Variants in ATRN observed in about 807,000 individuals in gnomAD.
The protein encoded by ATRN is attractin-2.
A neutral mutation model predicts 178.7 loss-of-function variants in ATRN; 54 were observed. The observed-to-expected ratio is 0.30, with a 90% CI of 0.24 to 0.38. ATRN has a LOEUF of 0.38. Ranked by LOEUF, ATRN falls within the 10% of genes least tolerant of loss-of-function variation. ATRN has a pLI of 1.00. For missense variants in ATRN, 1,443 were observed against 1,815.1 expected, an observed-to-expected ratio of 0.79 and a Z score of 3.73; for synonymous variants, 636 against 663.0, an observed-to-expected ratio of 0.96 and a Z score of 0.63.
chr20:3,579,274 T>C (rs2086251287), intron 15 of ATRN, among the ~76,000 whole-genome samples: 1 of 152,008 alleles, frequency 6.6e-6, no homozygotes, highest in South Asian at 2.1e-4. Context: ...TCGCCTGAGG[T>C]CAGGAGTTCA....
chr20:3,502,832 C>T (rs966229139), intron 1 of ATRN, among the ~76,000 whole-genome samples: 1 of 152,208 alleles, frequency 6.6e-6, no homozygotes, highest in African/African-American at 2.4e-5. Flanking sequence ...GACATAGCCA[C>T]AGCAAATGGC....
intron 25 of ATRN, among the ~76,000 whole-genome samples, chr20:3,626,018 G>A (rs2086935779): frequency 6.6e-6 from 1 of 152,122 alleles, no homozygotes; most frequent in Non-Finnish European, 1.5e-5. Context: ...GGTCACTTGA[G>A]CTCAGGAGTT....
At chr20:3,640,872 A>G (rs1202848484) in intron 27 of ATRN, among the ~76,000 whole-genome samples, 1 of 152,248 alleles carries the variant, frequency 6.6e-6, no homozygotes, top group Non-Finnish European at 1.5e-5. Flanking sequence ...GTGTCCATGG[A>G]TGGATAAATG....
chr20:3,612,343 A>G (rs2086778305), intron 24 of ATRN, among the ~76,000 whole-genome samples: 2 of 152,250 alleles, frequency 1.3e-5, no homozygotes, highest in African/African-American at 2.4e-5. Flanking sequence ...ACCTATGCAC[A>G]TATTGAATAA....
At chr20:3,497,997 G>A (rs2146101869) in intron 1 of ATRN, among the ~76,000 whole-genome samples, 1 of 152,072 alleles carries the variant, frequency 6.6e-6, no homozygotes, top group Non-Finnish European at 1.5e-5. Context: ...TCATAAAGGG[G>A]ATATCACCAC....
Position 3,562,331 on chromosome 20 carries a change from C to T in ATRN, c.1503C>T (p.Tyr501=), listed in dbSNP as rs1368485893. Residue 501 remains tyrosine (Y), a synonymous_variant, in exon 9 of 29, where the codon TAC becomes TAT. Transcript: ENST00000262919. ...HTQGALVQGG[Y]GHSSVYDHRT... is the part of the protein sequence containing the mutation. The stretch of plus-strand genomic sequence containing the variant: ...AGGGTGCCCTTGTGCAAGGGGGTTA[C>T]GGCCATAGCAGTGTTTACGACCATA... 18 of 1,613,900 alleles carry T rather than the reference C, an allele frequency of 1.1e-5. No individual in the cohort carries two copies. Among genetic ancestry groups the T allele is most frequent in the Admixed American group, 8.3e-5 (5 of 59,982 alleles).
At chr20:3,591,482 A>T (rs991879536) in intron 19 of ATRN, among the ~76,000 whole-genome samples, 176 bp downstream of exon 19, 2 of 152,252 alleles carry the variant, frequency 1.3e-5, no homozygotes, top group Non-Finnish European at 2.9e-5. Flanking sequence ...GTTTCAGTGT[A>T]GCTGGTTAAA....
At position 3,584,899 on chromosome 20, in the gene ATRN, C is replaced by G. The variant is rs235538; in HGVS notation, c.3184+19C>G. 0.75 allele frequency: 1,204,279 copies of G among 1,604,132 alleles called. 455,269 individuals are homozygous for G. Among genetic ancestry groups the G allele is most frequent in the East Asian group, 0.99 (44,601 of 44,848 alleles). ...TGTCCAGGTAAGATGCCTTGCATATCCAAATTCAAGTGTTTCACTACTGAT... is the reference window on the plus strand; with the variant it reads ...TGTCCAGGTAAGATGCCTTGCATATGCAAATTCAAGTGTTTCACTACTGAT... On this transcript the variant is annotated intron_variant, in intron 18 of 28. Transcript: ENST00000262919.
intron 10 of ATRN, among the ~76,000 whole-genome samples, chr20:3,564,687 T>G (rs1312844406): frequency 1.3e-5 from 2 of 152,152 alleles, no homozygotes; most frequent in Non-Finnish European, 2.9e-5. Context: ...TTTGAGCAAA[T>G]CAATATAGAA....
chr20:3,575,859 G>C lies in ATRN; in HGVS notation c.2125G>C (p.Asp709His), dbSNP rs1458958654. 1 of 1,613,722 alleles carries C rather than the reference G, an allele frequency of 6.2e-7. No homozygotes were observed. The highest frequency in any genetic ancestry group is 1.3e-5 in the African/African-American group (1 of 74,896). The change falls in exon 13 of 29, where the codon GAT (aspartate) becomes CAT (histidine). Residue 709 changes from aspartate (D) to histidine (H), a missense_variant. Asp to His is a moderately conservative substitution (Grantham distance 81). Transcript: ENST00000262919. ...LDHDRCDQHTDCYSCTANTND... is the reference protein window; with the variant it reads ...LDHDRCDQHTHCYSCTANTND... Reference sequence around the variant, plus strand: ...CCATGACAGATGTGACCAGCACACAGATTGTTACAGCTGCACAGCCAACAC... The same window carrying C: ...CCATGACAGATGTGACCAGCACACACATTGTTACAGCTGCACAGCCAACAC...
chr20:3,568,402 C>G (rs2146235017), intron 11 of ATRN, among the ~76,000 whole-genome samples: 1 of 152,088 alleles, frequency 6.6e-6, no homozygotes. Flanking sequence ...TATCCCAGCA[C>G]TTTGGGAGGC....
intron 25 of ATRN, among the ~76,000 whole-genome samples, chr20:3,626,970 A>G (rs912435829): frequency 6.6e-6 from 1 of 152,018 alleles, no homozygotes; most frequent in Non-Finnish European, 1.5e-5. Flanking sequence ...TATTTTTAGC[A>G]GAGACGGGGT....
intron 1 of ATRN, chr20:3,489,985 A>T: frequency 1.0e-6 from 1 of 989,644 alleles, no homozygotes; most frequent in Non-Finnish European, 1.6e-6. Flanking sequence ...GCTTGCTTGC[A>T]CTGTGCATTT....
intron 2 of ATRN, among the ~76,000 whole-genome samples, chr20:3,537,923 T>A (rs951537244): frequency 3.4e-4 from 52 of 150,916 alleles, no homozygotes; most frequent in Admixed American, 1.6e-3. Flanking sequence ...ATTTTATTTT[T>A]TTATTATTAT....
At chr20:3,619,044 T>C (rs1157707041) in intron 24 of ATRN, among the ~76,000 whole-genome samples, 1 of 152,118 alleles carries the variant, frequency 6.6e-6, no homozygotes, top group Non-Finnish European at 1.5e-5. Flanking sequence ...GCTCTCACCC[T>C]TGGTGGGGCC....
chr20:3,522,869 A>G (rs774605223), intron 1 of ATRN, among the ~76,000 whole-genome samples: 5 of 152,178 alleles, frequency 3.3e-5, no homozygotes, highest in African/African-American at 4.8e-5. Context: ...TAGGATCACC[A>G]TCAACAAAAA....
intron 1 of ATRN, among the ~76,000 whole-genome samples, chr20:3,508,159 G>A (rs1221971878): frequency 6.6e-6 from 1 of 151,456 alleles, no homozygotes; most frequent in Non-Finnish European, 1.5e-5. Context: ...AGACCAGCCT[G>A]GTAACATAGT....
chr20:3,626,788 T>TTC (rs1232613248), intron 25 of ATRN, among the ~76,000 whole-genome samples: 1 of 149,186 alleles, frequency 6.7e-6, no homozygotes, highest in Admixed American at 6.7e-5. Context: ...TTTCTTTTTT[T>TTC]TTTTTTTTTT....
chr20:3,580,885 T>G (rs754134453), intron 15 of ATRN, among the ~76,000 whole-genome samples: 5 of 152,222 alleles, frequency 3.3e-5, no homozygotes, highest in Non-Finnish European at 7.3e-5. Flanking sequence ...TTAATTGTCT[T>G]TCTTTCTTTT....
Sources: allele counts gnomAD v4.1 joint callset (sites outside exome capture counted in the v4.1 genomes callset), GRCh38; gene constraint gnomAD v4.1.1; transcripts MANE v1.5; gene names NCBI Gene and HGNC (gene_info 2026-07-23, HGNC 2026-07-21).